The following SPATA13 variants were observed in gnomAD, a reference collection of about 807,000 sequenced individuals.
SPATA13 encodes spermatogenesis associated 13.
SPATA13 carries 50 observed loss-of-function variants against 104.0 expected under a neutral mutation model. The observed-to-expected ratio is 0.48, with a 90% CI of 0.38 to 0.61. SPATA13 has a LOEUF of 0.61. Among genes scored for constraint, SPATA13 ranks in the 20% least tolerant of loss-of-function variants. SPATA13 has a pLI of 0.00. For missense variants in SPATA13, 1,524 were observed against 1,690.6 expected (o/e 0.90, Z 1.73); for synonymous variants, 606 against 667.5 (o/e 0.91, Z 1.42).
chr13:24,111,680 A>G (rs1312835821), intron 3 of SPATA13, among the ~76,000 whole-genome samples: 5 of 152,252 alleles, frequency 3.3e-5, no homozygotes, highest in Non-Finnish European at 7.3e-5. Flanking sequence ...TGCTGGAATT[A>G]TAGACATGAG....
intron 3 of SPATA13, among the ~76,000 whole-genome samples, chr13:24,038,431 G>A (rs893558243): frequency 6.6e-6 from 1 of 152,186 alleles, no homozygotes; most frequent in Non-Finnish European, 1.5e-5. Context: ...TGGGAAGGGA[G>A]TTCTTATTCT....
intron 1 of SPATA13, among the ~76,000 whole-genome samples, chr13:24,207,568 C>G (rs1260715820): frequency 6.6e-6 from 1 of 152,194 alleles, no homozygotes; most frequent in Non-Finnish European, 1.5e-5. Flanking sequence ...GTTCGTTTCT[C>G]CACATCCCTA....
At chr13:24,227,860 A>G (rs888092263) in intron 2 of SPATA13, among the ~76,000 whole-genome samples, 4 of 151,968 alleles carry the variant, frequency 2.6e-5, no homozygotes, top group Admixed American at 2.6e-4. Context: ...GTGAGCCACC[A>G]CGCCCGGCCT....
At chr13:24,260,176 C>T (rs1455241400) in intron 4 of SPATA13, among the ~76,000 whole-genome samples, 1 of 152,148 alleles carries the variant, frequency 6.6e-6, no homozygotes, top group Non-Finnish European at 1.5e-5. Flanking sequence ...TCTGGGCTGT[C>T]CCAAGCCCTC....
At chr13:24,023,914 G>T (rs1018238236) in intron 3 of SPATA13, among the ~76,000 whole-genome samples, 1 of 152,222 alleles carries the variant, frequency 6.6e-6, no homozygotes, top group African/African-American at 2.4e-5. Flanking sequence ...CATGGGTGGG[G>T]ATTTGTTCAG....
At chr13:24,177,608 T>C (rs887851546) in intron 1 of SPATA13, among the ~76,000 whole-genome samples, 39 of 151,124 alleles carry the variant, frequency 2.6e-4, no homozygotes, top group African/African-American at 9.3e-4. Context: ...TACAGTTGCA[T>C]GCCACCATGC....
chr13:24,259,612 T>C (rs1873962151), intron 4 of SPATA13, among the ~76,000 whole-genome samples: 1 of 152,182 alleles, frequency 6.6e-6, no homozygotes, highest in Non-Finnish European at 1.5e-5. Context: ...ATTTATGTAT[T>C]TATTTACTTT....
At chr13:24,279,118 C>T (rs1020021417) in intron 4 of SPATA13, among the ~76,000 whole-genome samples, 12 of 152,188 alleles carry the variant, frequency 7.9e-5, no homozygotes, top group South Asian at 4.1e-4. Flanking sequence ...ACATTATAGA[C>T]GGTGACAAAT....
chr13:23,988,003 G>A (rs1875235285), intron 2 of SPATA13, among the ~76,000 whole-genome samples: 3 of 151,792 alleles, frequency 2.0e-5, no homozygotes, highest in Admixed American at 2.0e-4. Flanking sequence ...GAGTGCAGTG[G>A]CACTGTCACA....
At chr13:24,165,274 G>C (rs144187270) in intron 1 of SPATA13, among the ~76,000 whole-genome samples, 1 of 152,152 alleles carries the variant, frequency 6.6e-6, no homozygotes, top group African/African-American at 2.4e-5. Flanking sequence ...GCCTCAGACT[G>C]TCTCCCACCC....
intron 3 of SPATA13, among the ~76,000 whole-genome samples, chr13:24,102,827 T>C (rs1354669704): frequency 6.6e-6 from 1 of 152,202 alleles, no homozygotes; most frequent in African/African-American, 2.4e-5. Context: ...ATTTTTGCTT[T>C]TGTTGCCGAT....
intron 3 of SPATA13, among the ~76,000 whole-genome samples, chr13:24,139,316 CA>C (rs1218260555): frequency 6.6e-6 from 1 of 152,172 alleles, no homozygotes; most frequent in Non-Finnish European, 1.5e-5. Flanking sequence ...GACCCATTTC[CA>C]AATAAGGTCC....
chr13:24,122,446 C>G (rs1163023149), intron 3 of SPATA13: 3 of 1,602,602 alleles, frequency 1.9e-6, no homozygotes, highest in Non-Finnish European at 2.6e-6. Context: ...TTCATCGTCT[C>G]CATCTTCACC....
chr13:24,072,494 C>T (rs1879199342), intron 3 of SPATA13, among the ~76,000 whole-genome samples: 1 of 152,212 alleles, frequency 6.6e-6, no homozygotes, highest in Admixed American at 6.5e-5. Flanking sequence ...ATCAGGGCTT[C>T]TGATGCACCT....
Position 24,224,583 on chromosome 13 carries a change from G to C in SPATA13, c.1653+1G>C. The C allele has an allele frequency of 6.5e-7, 1 of 1,537,616 alleles. No homozygotes were observed. Among genetic ancestry groups the C allele is most frequent in the Non-Finnish European group, 8.7e-7 (1 of 1,146,858 alleles). ...CCCAGAAGAAAAGGAGAAGGAGGAG[G>C]TAAGGGCAGCGGCGAGGTCCCTCAT... On this transcript the variant is annotated splice_donor_variant, in intron 2 of 12. Coordinates refer to ENST00000382108, the MANE Select transcript of SPATA13 (RefSeq NM_001166271.3). LOFTEE classifies it high-confidence loss of function.
intron 2 of SPATA13, among the ~76,000 whole-genome samples, chr13:24,240,986 C>CT (rs201179342): frequency 1.4e-5 from 2 of 140,700 alleles, no homozygotes; most frequent in African/African-American, 2.7e-5. Flanking sequence ...ATAGTTGCTT[C>CT]TTTTTTTGTT....
intron 4 of SPATA13, among the ~76,000 whole-genome samples, chr13:24,275,028 C>T (rs558297380): frequency 6.6e-6 from 1 of 152,196 alleles, no homozygotes; most frequent in Non-Finnish European, 1.5e-5. Context: ...TACCCTCCCC[C>T]ACTTATCAGT....
chr13:24,194,276 A>G (rs1186728008), intron 1 of SPATA13, among the ~76,000 whole-genome samples: 3 of 152,234 alleles, frequency 2.0e-5, no homozygotes, highest in South Asian at 2.1e-4. Flanking sequence ...ATGTTGTTGC[A>G]TCATTTCAAA....
chr13:24,063,538 C>T (rs2137756994), intron 3 of SPATA13, among the ~76,000 whole-genome samples: 1 of 152,200 alleles, frequency 6.6e-6, no homozygotes, highest in African/African-American at 2.4e-5. Flanking sequence ...AGAACCCTCC[C>T]TGCAGGAAAC....
Sources: gnomAD v4.1 joint callset for allele counts (sites outside exome capture counted in the v4.1 genomes callset) on GRCh38, gnomAD v4.1.1 for gene constraint, MANE v1.5 for transcripts, NCBI Gene and HGNC (gene_info 2026-07-23, HGNC 2026-07-21) for gene names.